Variants in TCF4 observed in about 807,000 individuals in gnomAD.
The protein encoded by TCF4 is SL3-3 enhancer factor 2.
TCF4 carries 3 observed loss-of-function variants against 82.1 expected under a neutral mutation model. The ratio of observed to expected loss-of-function variants is 0.04; its 90% confidence interval spans 0.02 to 0.09. The LOEUF is 0.09. TCF4 is among the 10% of genes least tolerant of loss of function. The pLI is 1.00. For synonymous variants in TCF4, 276 were observed against 309.6 expected, an observed-to-expected ratio of 0.89 and a Z score of 1.14; for missense variants, 518 against 852.7, an observed-to-expected ratio of 0.61 and a Z score of 4.89.
chr18:55,547,908 C>T (rs1405329945), intron 3 of TCF4, among the ~76,000 whole-genome samples: 1 of 152,104 alleles, frequency 6.6e-6, no homozygotes, highest in African/African-American at 2.4e-5. Flanking sequence ...ACTTGAATTC[C>T]CATCTAATGT....
chr18:55,245,773 C>T (rs1485790806), intron 15 of TCF4, among the ~76,000 whole-genome samples: 1 of 151,094 alleles, frequency 6.6e-6, no homozygotes, highest in Non-Finnish European at 1.5e-5. Context: ...GGAAGCTTTT[C>T]CTAGCGGTCT....
intron 10 of TCF4, among the ~76,000 whole-genome samples, chr18:55,271,955 G>A (rs1346829886): frequency 6.6e-6 from 1 of 151,962 alleles, no homozygotes; most frequent in Non-Finnish European, 1.5e-5. Flanking sequence ...AAGAACAGAC[G>A]AACTACAAAT....
chr18:55,465,274 ACTG>A (rs1272338014), intron 3 of TCF4, among the ~76,000 whole-genome samples: 2 of 152,100 alleles, frequency 1.3e-5, no homozygotes, highest in Admixed American at 6.6e-5. Flanking sequence ...TTTTATTATT[ACTG>A]CTATTTTATT....
intron 3 of TCF4, among the ~76,000 whole-genome samples, chr18:55,553,973 T>A (rs1451802776): frequency 6.6e-6 from 1 of 152,174 alleles, no homozygotes; most frequent in Non-Finnish European, 1.5e-5. Flanking sequence ...TGCAATCATA[T>A]TCATTATTAA....
intron 8 of TCF4, among the ~76,000 whole-genome samples, chr18:55,322,825 G>T (rs1200933279): frequency 6.6e-6 from 1 of 152,138 alleles, no homozygotes; most frequent in African/African-American, 2.4e-5. Flanking sequence ...TGGTACCTTC[G>T]AACCGACGAA....
At position 55,234,639 on chromosome 18, in the gene TCF4, A is replaced by G. The variant is rs1599574599; in HGVS notation, c.1395T>C (p.His465=). Reference sequence around the variant, plus strand: ...CCGGAACCTGGTTTGGCAGAAGAGAATGGCTGCCTCTCAGGGCCACGCCAT... The same window carrying G: ...CCGGAACCTGGTTTGGCAGAAGAGAGTGGCTGCCTCTCAGGGCCACGCCAT... ...REDGVALRGS[H]SLLPNQVPVP... is the part of the protein sequence containing the mutation. Residue 465 remains histidine, a synonymous_variant, in exon 16 of 20, where the codon CAT becomes CAC. Coordinates refer to ENST00000354452, the MANE Select transcript of TCF4 (RefSeq NM_001083962.2). 6.2e-7 allele frequency: 1 copy of G among 1,614,122 alleles called. No homozygotes were observed. The highest frequency in any genetic ancestry group is 8.5e-7 in the Non-Finnish European group (1 of 1,180,010).
chr18:55,604,815 A>G (rs904553520), intron 2 of TCF4, among the ~76,000 whole-genome samples: 7 of 152,262 alleles, frequency 4.6e-5, no homozygotes, highest in African/African-American at 1.7e-4. Flanking sequence ...ACAGCCTCCT[A>G]CTTGCTACGA....
intron 3 of TCF4, among the ~76,000 whole-genome samples, chr18:55,468,650 C>T (rs1404330648): frequency 3.3e-5 from 5 of 152,138 alleles, no homozygotes; most frequent in African/African-American, 1.2e-4. Flanking sequence ...ATACTTGACA[C>T]AAATAACATC....
At chr18:55,397,255 C>T (rs2093555550) in intron 6 of TCF4, among the ~76,000 whole-genome samples, 1 of 152,146 alleles carries the variant, frequency 6.6e-6, no homozygotes, top group African/African-American at 2.4e-5. Context: ...TGAAGTACTC[C>T]AGCCGAAAAT....
intron 18 of TCF4, 60 bp downstream of exon 18, chr18:55,228,787 T>G (rs1322026535): frequency 6.3e-7 from 1 of 1,578,738 alleles, no homozygotes; most frequent in African/African-American, 1.3e-5. Context: ...CGTGCCCATC[T>G]CAGCTTGTGC....
intron 5 of TCF4, chr18:55,422,100 C>CAAAA: frequency 3.8e-5 from 17 of 444,882 alleles, no homozygotes; most frequent in South Asian, 1.1e-4. Context: ...AGAAAAAGCA[C>CAAAA]AAAAAAAAAA....
At chr18:55,346,283 T>C (rs1208311458) in intron 8 of TCF4, among the ~76,000 whole-genome samples, 3 of 152,202 alleles carry the variant, frequency 2.0e-5, no homozygotes, top group South Asian at 2.1e-4. Flanking sequence ...TTTTTATTTT[T>C]CAAACCTACC....
At chr18:55,299,363 G>C (rs2067416487) in intron 8 of TCF4, among the ~76,000 whole-genome samples, 1 of 151,654 alleles carries the variant, frequency 6.6e-6, no homozygotes, top group South Asian at 2.1e-4. Flanking sequence ...AGTGAGTCGA[G>C]ATCGCACCAT....
chr18:55,585,713 A>G, intron 2 of TCF4: 1 of 1,088,790 alleles, frequency 9.2e-7, no homozygotes, highest in South Asian at 2.8e-5. Flanking sequence ...GTTTTGTTTT[A>G]TATTGAAAAC....
chr18:55,566,707 C>A (rs908061632), intron 3 of TCF4, among the ~76,000 whole-genome samples: 2 of 151,864 alleles, frequency 1.3e-5, no homozygotes, highest in African/African-American at 4.8e-5. Flanking sequence ...TACAAGGGGA[C>A]TGAAAATATG....
At chr18:55,477,320 T>C (rs2096312043) in intron 3 of TCF4, among the ~76,000 whole-genome samples, 1 of 152,176 alleles carries the variant, frequency 6.6e-6, no homozygotes, top group South Asian at 2.1e-4. Context: ...AGATGCCCTA[T>C]ATAAAAGAGG....
intron 3 of TCF4, among the ~76,000 whole-genome samples, chr18:55,466,891 G>A (rs1295670680): frequency 1.3e-5 from 2 of 152,158 alleles, no homozygotes; most frequent in Non-Finnish European, 2.9e-5. Flanking sequence ...TACTGGCTGG[G>A]TTCCTTCACA....
chr18:55,449,492 A>C (rs1191219682), intron 5 of TCF4, among the ~76,000 whole-genome samples: 1 of 152,194 alleles, frequency 6.6e-6, no homozygotes, highest in African/African-American at 2.4e-5. Context: ...GTCACTAATA[A>C]ATTTTCTTCC....
At chr18:55,586,164 GCAGCAGCAGC>G in intron 2 of TCF4, 1 of 331,354 alleles carries the variant, frequency 3.0e-6, no homozygotes, top group Non-Finnish European at 4.2e-6. Flanking sequence ...AGCAGCAGCA[GCAGCAGCAGC>G]AGCAGCAGCA....
Sources: gnomAD v4.1 joint callset for allele counts (sites outside exome capture counted in the v4.1 genomes callset) on GRCh38, gnomAD v4.1.1 for gene constraint, MANE v1.5 for transcripts, NCBI Gene and HGNC (gene_info 2026-07-23, HGNC 2026-07-21) for gene names.